The following CNBD1 variants were observed in gnomAD, a reference collection of about 807,000 sequenced individuals.
The protein encoded by CNBD1 is cyclic nucleotide-binding domain-containing protein 1.
In CNBD1, 71 loss-of-function variants were observed where a neutral mutation model predicts 54.4. The ratio of observed to expected loss-of-function variants is 1.30; its 90% CI spans 1.08 to 1.59. The LOEUF (loss-of-function observed/expected upper bound fraction) is 1.59. Among genes scored for constraint, CNBD1 ranks in the 40% most tolerant of loss-of-function variants. The pLI, the probability that CNBD1 is intolerant of heterozygous loss-of-function variation, is 0.00. For missense variants in CNBD1, 659 were observed against 518.0 expected, an observed-to-expected ratio of 1.27 and a Z score of -2.64; for synonymous variants, 182 against 170.7, an observed-to-expected ratio of 1.07 and a Z score of -0.51.
At chr8:87,255,186 C>CA (rs34613204) in intron 6 of CNBD1, among the ~76,000 whole-genome samples, 4 of 150,992 alleles carry the variant, frequency 2.6e-5, no homozygotes, top group African/African-American at 7.3e-5. Context: ...TATGGATTTG[C>CA]AAAAAAAAGT....
chr8:86,869,956 A>G (rs915814868), intron 1 of CNBD1, among the ~76,000 whole-genome samples: 2 of 152,030 alleles, frequency 1.3e-5, no homozygotes, highest in African/African-American at 4.8e-5. Context: ...TATTTTCTTC[A>G]CACTAATTAG....
At chr8:87,107,621 G>A (rs1811569099) in intron 4 of CNBD1, among the ~76,000 whole-genome samples, 1 of 152,194 alleles carries the variant, frequency 6.6e-6, no homozygotes. Flanking sequence ...CATTGCTCTA[G>A]TATATCCTTG....
chr8:87,241,250 A>G (rs954196219), intron 6 of CNBD1, among the ~76,000 whole-genome samples: 4 of 151,514 alleles, frequency 2.6e-5, no homozygotes, highest in African/African-American at 7.3e-5. Context: ...ATTGGGCACA[A>G]AAATCTGTAT....
intron 4 of CNBD1, among the ~76,000 whole-genome samples, chr8:87,158,974 G>T (rs1812801220): frequency 6.6e-6 from 1 of 152,030 alleles, no homozygotes; most frequent in Non-Finnish European, 1.5e-5. Flanking sequence ...CTATAAATCT[G>T]TTTTTATACA....
rs139943681 is a variant in CNBD1, at chr8:87,174,357, A to G, written c.432-31636A>G. Among the ~76,000 whole-genome samples, 446 of 152,266 alleles carry G rather than the reference A, an allele frequency of 2.9e-3. 3 individuals carry two copies. Among genetic ancestry groups the G allele is most frequent in the African/African-American group, 0.01 (423 of 41,562 alleles). On this transcript the variant is annotated intron_variant, in intron 4 of 10. Transcript: ENST00000518476. ...CTTTGGCTGATAAATTCTGTTATTA[A>G]TAGATTTCTGATGCATTCTTCAGTA...
At chr8:87,042,889 A>G (rs1810103003) in intron 4 of CNBD1, among the ~76,000 whole-genome samples, 1 of 152,170 alleles carries the variant, frequency 6.6e-6, no homozygotes, top group Non-Finnish European at 1.5e-5. Flanking sequence ...TTATATCTAT[A>G]TACAGATTTA....
intron 5 of CNBD1, among the ~76,000 whole-genome samples, chr8:87,224,316 C>G (rs1257984625): frequency 6.7e-6 from 1 of 150,124 alleles, no homozygotes. Flanking sequence ...AAGTCCTTGC[C>G]CATGCCTATG....
intron 4 of CNBD1, among the ~76,000 whole-genome samples, chr8:87,017,111 C>T (rs1809372636): frequency 6.6e-6 from 1 of 152,112 alleles, no homozygotes; most frequent in Admixed American, 6.6e-5. Flanking sequence ...GAACCCCGAC[C>T]CTTTTCACCA....
chr8:87,015,281 C>T (rs1428664692), intron 4 of CNBD1, among the ~76,000 whole-genome samples: 2 of 152,140 alleles, frequency 1.3e-5, no homozygotes, highest in African/African-American at 4.8e-5. Context: ...CTCCCAGGTT[C>T]ATGCCATTCT....
At chr8:87,152,783 A>G (rs1384971586) in intron 4 of CNBD1, among the ~76,000 whole-genome samples, 1 of 152,194 alleles carries the variant, frequency 6.6e-6, no homozygotes, top group Non-Finnish European at 1.5e-5. Flanking sequence ...TTTAAAAACA[A>G]AAGGAAATAG....
chr8:87,207,763 G>A (rs960366385), intron 5 of CNBD1, among the ~76,000 whole-genome samples: 2 of 151,876 alleles, frequency 1.3e-5, no homozygotes, highest in African/African-American at 2.4e-5. Context: ...CGTGATTGAC[G>A]ATTAAAATAT....
chr8:87,106,876 C>A (rs774154300), intron 4 of CNBD1, among the ~76,000 whole-genome samples: 1 of 152,156 alleles, frequency 6.6e-6, no homozygotes. Context: ...GTCACCCAGG[C>A]TGGAGTGCAG....
At chr8:86,920,665 C>G (rs1404642964) in intron 3 of CNBD1, among the ~76,000 whole-genome samples, 1 of 152,182 alleles carries the variant, frequency 6.6e-6, no homozygotes, top group African/African-American at 2.4e-5. Flanking sequence ...TCTGTATGCT[C>G]AGTCACCCAA....
At chr8:87,405,295 A>G (rs1807634133) in intron 2 of CNBD1, among the ~76,000 whole-genome samples, 2 of 152,112 alleles carry the variant, frequency 1.3e-5, no homozygotes, top group Non-Finnish European at 2.9e-5. Context: ...ATAATATGGT[A>G]AACTTTAATA....
intron 5 of CNBD1, among the ~76,000 whole-genome samples, chr8:87,211,562 TAGTG>T (rs1223523353): frequency 6.6e-6 from 1 of 152,184 alleles, no homozygotes. Flanking sequence ...GTCCTCATGA[TAGTG>T]AGTGAGTTCT....
At chr8:87,428,589 A>G (rs1415795233) in exon 3 of CNBD1, 7 of 455,282 alleles carry the variant, frequency 1.5e-5, no homozygotes, top group African/African-American at 8.0e-5. Context: ...AAACAGCTAA[A>G]CCAACTTTTG....
intron 2 of CNBD1, among the ~76,000 whole-genome samples, chr8:87,394,808 A>T (rs1241154950): frequency 6.6e-6 from 1 of 151,874 alleles, no homozygotes; most frequent in Non-Finnish European, 1.5e-5. Flanking sequence ...TTTAAATTTT[A>T]TGGCTCTTTT....
intron 4 of CNBD1, among the ~76,000 whole-genome samples, chr8:87,063,404 T>C (rs1810584499): frequency 6.6e-6 from 1 of 152,170 alleles, no homozygotes. Flanking sequence ...TTCAATGCTC[T>C]GAAGTACCAA....
chr8:86,868,820 G>C (rs1808400296), intron 1 of CNBD1, among the ~76,000 whole-genome samples: 1 of 152,170 alleles, frequency 6.6e-6, no homozygotes, highest in Non-Finnish European at 1.5e-5. Flanking sequence ...CTACATGTTA[G>C]GGGGAATTGA....
Sources: allele counts gnomAD v4.1 joint callset (sites outside exome capture counted in the v4.1 genomes callset), GRCh38; gene constraint gnomAD v4.1.1; transcripts MANE v1.5; gene names NCBI Gene and HGNC (gene_info 2026-07-23, HGNC 2026-07-21).